AGAP1: variants seen among roughly 807,000 people sequenced by gnomAD.
AGAP1 encodes the protein arf-GAP with GTPase, ANK repeat and PH domain-containing protein 1.
In AGAP1, 29 loss-of-function variants were observed where a neutral mutation model predicts 105.3. The ratio of observed to expected loss-of-function variants is 0.28; its 90% confidence interval spans 0.21 to 0.38. The LOEUF (loss-of-function observed/expected upper bound fraction) is 0.38, where lower values mean the gene tolerates loss of function less well. Among genes scored for constraint, AGAP1 ranks in the 10% least tolerant of loss-of-function variants. The pLI is 1.00. For missense variants in AGAP1, 998 were observed against 1,165.1 expected (o/e 0.86, Z 2.09); for synonymous variants, 509 against 485.9 (o/e 1.05, Z -0.63).
rs578186564 is a variant in AGAP1, at chr2:235,654,111, G to A, written c.164-55068G>A. On this transcript the variant is annotated intron_variant, in intron 1 of 17. Transcript: ENST00000304032. Reference sequence around the variant, plus strand: ...AGAAAGTACAAATACAGAAGCAGAAGAAGAATCTGACAGTTATCTAGAGGA... The same window carrying A: ...AGAAAGTACAAATACAGAAGCAGAAAAAGAATCTGACAGTTATCTAGAGGA... 5.3e-5 allele frequency among the ~76,000 whole-genome samples: 8 copies of A among 152,318 alleles called. No homozygotes were observed. In the South Asian group the frequency reaches 1.5e-3, roughly 28 times the overall value.
intron 1 of AGAP1, among the ~76,000 whole-genome samples, chr2:235,496,814 G>A (rs114655695): frequency 0.011 from 1,622 of 152,064 alleles, 26 homozygotes; most frequent in African/African-American, 0.038. Context: ...ACAGCACGAT[G>A]CCTACCTTTG....
In AGAP1 at chr2:235,889,734, A is replaced by C. The variant is rs995116600; in HGVS notation, c.1155+6285A>C. ...GATATGGAGGGAAACCTTTTTCTCC[A>C]GGTCTGTTTCATGTTGTTGAAAACC... On this transcript the variant is annotated intron_variant, in intron 10 of 17. Transcript: ENST00000304032. The surrounding 1 kb of genome is among the most constrained non-coding windows in gnomAD (Gnocchi z 4.6). Among the ~76,000 whole-genome samples, 1 of 152,082 alleles carries C rather than the reference A, an allele frequency of 6.6e-6. No homozygotes were observed. The highest frequency in any genetic ancestry group is 1.5e-5 in the Non-Finnish European group (1 of 68,002).
At chr2:236,037,981 G>C (rs1420192334) in intron 14 of AGAP1, among the ~76,000 whole-genome samples, 1 of 152,202 alleles carries the variant, frequency 6.6e-6, no homozygotes, top group Non-Finnish European at 1.5e-5. Context: ...TCACTAAAAA[G>C]AGAGTCTGTC....
At chr2:235,835,591 C>G (rs193121560) in intron 9 of AGAP1, among the ~76,000 whole-genome samples, 3 of 152,182 alleles carry the variant, frequency 2.0e-5, no homozygotes, top group African/African-American at 4.8e-5. Flanking sequence ...GTAGCTGGCA[C>G]GTTGTGTAAG....
chr2:236,113,010 C>T lies in AGAP1; in HGVS notation c.2115-7182C>T, dbSNP rs1247977892. 6.6e-6 allele frequency among the ~76,000 whole-genome samples: 1 copy of T among 152,236 alleles called. No individual in the cohort carries two copies. Among genetic ancestry groups the T allele is most frequent in the Non-Finnish European group, 1.5e-5 (1 of 68,046 alleles). On this transcript the variant is annotated intron_variant, in intron 16 of 17. Transcript: ENST00000304032. The surrounding 1 kb of genome is among the most constrained non-coding windows in gnomAD (Gnocchi z 4.3). ...AGTTCTAGGCTCTCCACTGTTTTTC[C>T]CCTTTTGAAACTTGCAATAAAATCT... is the stretch of plus-strand genomic sequence containing the variant.
intron 1 of AGAP1, among the ~76,000 whole-genome samples, chr2:235,534,781 C>G (rs192833243): frequency 6.6e-6 from 1 of 152,126 alleles, no homozygotes; most frequent in African/African-American, 2.4e-5. Context: ...GGCAGCCATC[C>G]GTGGAAGAGC....
intron 1 of AGAP1, among the ~76,000 whole-genome samples, chr2:235,641,307 C>CTT (rs781571448): frequency 1.8e-4 from 12 of 67,082 alleles, no homozygotes; most frequent in African/African-American, 4.8e-4. Flanking sequence ...TTCTTTCTCT[C>CTT]TCTCTTTCTC....
rs1254146183 is a variant in AGAP1 at position 235,714,473 on chromosome 2, T to C, written c.223-3084T>C. On this transcript the variant is annotated intron_variant, in intron 2 of 17. Transcript: ENST00000304032. This position sits in a 1 kb window ranked among gnomAD's most constrained non-coding sequence, Gnocchi z 4.1. ...GGGGAATGATTGATATGGAAAGCTT[T>C]AGTTGCCTGGAGACAGCAAGGCCTG... Among the ~76,000 whole-genome samples, 1 of 151,932 alleles carries C rather than the reference T, an allele frequency of 6.6e-6. No homozygotes were observed. The highest frequency in any genetic ancestry group is 2.4e-5 in the African/African-American group (1 of 41,346).
chr2:235,808,238 C>T (rs1241417560), intron 9 of AGAP1, among the ~76,000 whole-genome samples: 1 of 152,242 alleles, frequency 6.6e-6, no homozygotes, highest in Admixed American at 6.5e-5. Context: ...CTCCGCCTCT[C>T]AGGCACAGGG....
At chr2:235,583,893 T>C (rs1574901538) in intron 1 of AGAP1, among the ~76,000 whole-genome samples, 1 of 143,540 alleles carries the variant, frequency 7.0e-6, no homozygotes, top group Non-Finnish European at 1.5e-5. Context: ...AAAAAAAAGA[T>C]GGGGTCTCAC....
At chr2:235,602,777 C>T (rs1469327002) in intron 1 of AGAP1, among the ~76,000 whole-genome samples, 1 of 152,224 alleles carries the variant, frequency 6.6e-6, no homozygotes, top group Non-Finnish European at 1.5e-5. Flanking sequence ...TCTTGGCTCA[C>T]TGCAACCTCC....
At chr2:235,755,363 G>A (rs1953837388) in intron 6 of AGAP1, among the ~76,000 whole-genome samples, 1 of 152,208 alleles carries the variant, frequency 6.6e-6, no homozygotes, top group Non-Finnish European at 1.5e-5. Context: ...CCTAGGGCCT[G>A]GATACATGAA....
At chr2:235,595,106 G>A (rs953258290) in intron 1 of AGAP1, among the ~76,000 whole-genome samples, 5 of 152,112 alleles carry the variant, frequency 3.3e-5, no homozygotes, top group African/African-American at 1.2e-4. Context: ...AGTGTGTTTT[G>A]CAGAAAGGGA....
At position 235,905,827 on chromosome 2, in the gene AGAP1, C is replaced by T. The variant is rs1179996825; in HGVS notation, c.1156-2911C>T. On this transcript the variant is annotated intron_variant, in intron 10 of 17. Transcript: ENST00000304032. This position sits in a 1 kb window ranked among gnomAD's most constrained non-coding sequence, Gnocchi z 4.2. ...TGTGCTTTTCATTTGTCACCCTCAA[C>T]ACAGCGCAGTCCTGAGAATTCCTGT... Among the ~76,000 whole-genome samples, 4 of 152,232 alleles carry T rather than the reference C, an allele frequency of 2.6e-5. 1 individual carries two copies. In the South Asian group the frequency reaches 8.3e-4, roughly 32 times the overall value.
intron 12 of AGAP1, among the ~76,000 whole-genome samples, chr2:235,942,697 A>G (rs2053318719): frequency 6.6e-6 from 1 of 152,156 alleles, no homozygotes; most frequent in Non-Finnish European, 1.5e-5. Flanking sequence ...TACATTTTAA[A>G]AATTTCCTAG....
In AGAP1 at chr2:235,712,582, C is replaced by T. The variant is rs1222916739; in HGVS notation, c.222+3345C>T. On this transcript the variant is annotated intron_variant, in intron 2 of 17. Coordinates refer to ENST00000304032, the MANE Select transcript of AGAP1 (RefSeq NM_001037131.3). The surrounding 1 kb of genome is among the most constrained non-coding windows in gnomAD (Gnocchi z 6.0). ...AGCCTTGATTTCCTTTTCAGCAAAC[C>T]TCAGGGTTAGTGTGGGGCTCTGGAG... Among the ~76,000 whole-genome samples the T allele has an allele frequency of 1.3e-5, 2 of 152,202 alleles. No homozygotes were observed. The highest frequency in any genetic ancestry group is 3.9e-4 in the East Asian group (2 of 5,194).
chr2:236,014,885 G>A lies in AGAP1; in HGVS notation c.1646-21676G>A, dbSNP rs544229218. The A allele has an allele frequency of 2.2e-5, 9 of 416,494 alleles. No individual in the cohort carries two copies. The highest frequency in any genetic ancestry group is 7.0e-5 in the South Asian group (4 of 57,176). The allele number at this position is 416,494 out of a possible 1,614,324, so 25.8% of individuals were successfully genotyped here. On this transcript the variant is annotated intron_variant, in intron 13 of 17. Transcript: ENST00000304032. The surrounding 1 kb of genome is among the most constrained non-coding windows in gnomAD (Gnocchi z 6.3). The stretch of plus-strand genomic sequence containing the variant: ...CAGCAGCACCAACACTGAAGGTAAC[G>A]CCTCCGCACCTCCACCCGCCCACAC...
At chr2:235,863,160 G>T (rs2049005155) in intron 9 of AGAP1, among the ~76,000 whole-genome samples, 1 of 152,184 alleles carries the variant, frequency 6.6e-6, no homozygotes, top group African/African-American at 2.4e-5. Context: ...AGACGGGAGT[G>T]GTCCCTACTG....
rs1045738219 is a variant in AGAP1 at position 235,518,508 on chromosome 2, C to G, written c.163+23659C>G. Among the ~76,000 whole-genome samples the G allele has an allele frequency of 3.3e-5, 5 of 151,796 alleles. No individual in the cohort carries two copies. In the South Asian group the frequency reaches 6.2e-4, roughly 19 times the overall value. On this transcript the variant is annotated intron_variant, in intron 1 of 17. Transcript: ENST00000304032. ...TTCATAGAAATTCCTTGGATTTCCT[C>G]TGTTTCTGACAAAGAGCCAGGGCGG...
Sources: gnomAD v4.1 joint callset for allele counts (sites outside exome capture counted in the v4.1 genomes callset) on GRCh38, gnomAD v4.1.1 for gene constraint, Gnocchi (gnomAD v3.1) non-coding constraint, MANE v1.5 for transcripts, NCBI Gene and HGNC (gene_info 2026-07-23, HGNC 2026-07-21) for gene names.